The following PIAS2 variants were observed in gnomAD, a reference collection of about 807,000 sequenced individuals.
PIAS2 encodes the protein protein inhibitor of activated STAT 2, also known as E3 SUMO-protein ligase PIAS2.
A neutral mutation model predicts 69.7 loss-of-function variants in PIAS2; 19 were observed. The observed-to-expected ratio is 0.27, with a 90% CI of 0.19 to 0.40. PIAS2 has a LOEUF of 0.40. Ranked by LOEUF, PIAS2 falls within the 10% of genes least tolerant of loss-of-function variation. The probability of loss-of-function intolerance (pLI) is 1.00; values close to 1 mark genes in which losing one functional copy is unlikely to be tolerated. For synonymous variants in PIAS2, 261 were observed against 263.2 expected (o/e 0.99, Z 0.08); for missense variants, 624 against 757.0 (o/e 0.82, Z 2.06).
At chr18:46,858,441 A>C (rs1365950935) in intron 3 of PIAS2, among the ~76,000 whole-genome samples, 1 of 152,228 alleles carries the variant, frequency 6.6e-6, no homozygotes, top group African/African-American at 2.4e-5. Flanking sequence ...AGCTGGGCGC[A>C]GTGGCTCACG....
In PIAS2 at chr18:46,812,418, C is replaced by T; in HGVS notation, c.*15G>A. 6.5e-7 allele frequency: 1 copy of T among 1,550,288 alleles called. No individual in the cohort carries two copies. The highest frequency in any genetic ancestry group is 8.9e-7 in the Non-Finnish European group (1 of 1,129,254). On this transcript the variant is annotated 3_prime_UTR_variant, in exon 14 of 14. Transcript: ENST00000585916. Reference sequence around the variant, plus strand: ...AGTTCTGATGAATGATTCCCAGAATCAAGTGAGTCCTCCTTTAGTCCAATG... The same window carrying T: ...AGTTCTGATGAATGATTCCCAGAATTAAGTGAGTCCTCCTTTAGTCCAATG...
intron 3 of PIAS2, 91 bp from the exon 4 acceptor site, chr18:46,855,706 T>C (rs948950826): frequency 1.0e-6 from 1 of 983,616 alleles, no homozygotes; most frequent in Non-Finnish European, 1.6e-6. Context: ...AAAGCATTAT[T>C]TGTATTTTTC....
intron 2 of PIAS2, among the ~76,000 whole-genome samples, chr18:46,877,258 G>A (rs111947715): frequency 1.9e-4 from 29 of 152,242 alleles, no homozygotes; most frequent in Middle Eastern, 3.4e-3. Context: ...TGTTAAAAAC[G>A]TTTGAAGAGG....
At chr18:46,889,317 A>T (rs1177516918) in intron 2 of PIAS2, among the ~76,000 whole-genome samples, 1 of 152,238 alleles carries the variant, frequency 6.6e-6, no homozygotes, top group Non-Finnish European at 1.5e-5. Context: ...GAGTGGGAGA[A>T]AATATTTGCA....
chr18:46,846,143 A>G (rs1325642689), intron 6 of PIAS2, among the ~76,000 whole-genome samples: 1 of 152,200 alleles, frequency 6.6e-6, no homozygotes, highest in Non-Finnish European at 1.5e-5. Context: ...ATTAACTGGT[A>G]TCTCAAAATT....
At chr18:46,916,185 G>A (rs2057856427) in intron 1 of PIAS2, among the ~76,000 whole-genome samples, 1 of 152,170 alleles carries the variant, frequency 6.6e-6, no homozygotes, top group South Asian at 2.1e-4. Context: ...GTTTAGAGCA[G>A]AGGATACGTT....
At chr18:46,886,526 T>A (rs1050932327) in intron 2 of PIAS2, among the ~76,000 whole-genome samples, 5 of 151,962 alleles carry the variant, frequency 3.3e-5, no homozygotes, top group Non-Finnish European at 7.4e-5. Context: ...GACAACCGGG[T>A]AATAAGCATT....
chr18:46,918,822 C>CT (rs1300267574), upstream of PIAS2, among the ~76,000 whole-genome samples: 1 of 152,122 alleles, frequency 6.6e-6, no homozygotes, highest in Non-Finnish European at 1.5e-5. Context: ...TCAGGTTTCA[C>CT]TTTAAGTGTC....
At chr18:46,919,175 A>AC (rs1263161862), upstream of PIAS2, among the ~76,000 whole-genome samples, 5 of 151,236 alleles carry the variant, frequency 3.3e-5, no homozygotes, top group Admixed American at 3.3e-4. Context: ...ACATGGTGAA[A>AC]CCCTGTCTCT....
At chr18:46,900,423 A>G (rs1239032245) in intron 1 of PIAS2, among the ~76,000 whole-genome samples, 2 of 151,042 alleles carry the variant, frequency 1.3e-5, no homozygotes, top group African/African-American at 2.4e-5. Context: ...AATCCCAGCT[A>G]TTTGGGAGGC....
At chr18:46,917,241 G>C (rs2058073892) in intron 1 of PIAS2, 81 bp downstream of exon 1, 1 of 1,413,854 alleles carries the variant, frequency 7.1e-7, no homozygotes, top group East Asian at 3.3e-5. Context: ...GCACGAGCAG[G>C]CGGCGGCCGG....
rs538528642 is a variant in PIAS2 at position 46,881,821 on chromosome 18, G to A, written c.499+8759C>T. The stretch of plus-strand genomic sequence containing the variant: ...CCACAATTAAGAATACACAGACACC[G>A]GGCACGGTGGCTCACGCCTGTAATC... On this transcript the variant is annotated intron_variant, in intron 2 of 13. Coordinates refer to ENST00000585916, the MANE Select transcript of PIAS2 (RefSeq NM_004671.5). 1.2e-4 allele frequency among the ~76,000 whole-genome samples: 19 copies of A among 152,282 alleles called. No homozygotes were observed. In the South Asian group the frequency reaches 2.3e-3, roughly 18 times the overall value.
At chr18:46,910,816 T>C (rs1295609033) in intron 1 of PIAS2, among the ~76,000 whole-genome samples, 2 of 152,178 alleles carry the variant, frequency 1.3e-5, no homozygotes, top group Non-Finnish European at 2.9e-5. Context: ...GTTTTCAAAA[T>C]TCTGAGGAAT....
At position 46,858,606 on chromosome 18, in the gene PIAS2, A is replaced by AG. The variant is rs375367874; in HGVS notation, c.585-2992dup. 3.9e-5 allele frequency among the ~76,000 whole-genome samples: 6 copies of AG among 152,294 alleles called. 1 individual carries two copies. Among genetic ancestry groups the AG allele is most frequent in the African/African-American group, 1.4e-4 (6 of 41,562 alleles). ...CAGCTAGTCAGAAGGCTAAGGTGGG[A>AG]GGATCAATTGAGCCCGGACATTAAA... On this transcript the variant is annotated intron_variant, in intron 3 of 13. Transcript: ENST00000585916.
intron 9 of PIAS2, among the ~76,000 whole-genome samples, chr18:46,832,204 C>T (rs1296511655): frequency 6.6e-6 from 1 of 151,588 alleles, no homozygotes; most frequent in Non-Finnish European, 1.5e-5. Context: ...ATCACGAGGT[C>T]GGGAGTTCGA....
intron 8 of PIAS2, among the ~76,000 whole-genome samples, chr18:46,839,837 C>T (rs1274917388): frequency 8.7e-5 from 13 of 150,252 alleles, no homozygotes; most frequent in African/African-American, 3.0e-4. Flanking sequence ...TGCACTCCAG[C>T]CTGGGCGACA....
At chr18:46,861,369 AG>A (rs1344116534) in intron 3 of PIAS2, among the ~76,000 whole-genome samples, 4 of 152,254 alleles carry the variant, frequency 2.6e-5, no homozygotes, top group African/African-American at 9.6e-5. Flanking sequence ...TTTTTGCTAA[AG>A]TAACCACTAA....
At chr18:46,880,480 G>C (rs1301080976) in intron 2 of PIAS2, among the ~76,000 whole-genome samples, 1 of 152,188 alleles carries the variant, frequency 6.6e-6, no homozygotes, top group Admixed American at 6.5e-5. Flanking sequence ...TACTCAGGAG[G>C]CTGAGGCAGG....
intron 2 of PIAS2, among the ~76,000 whole-genome samples, chr18:46,883,469 G>A (rs898932412): frequency 5.3e-5 from 8 of 151,970 alleles, no homozygotes; most frequent in African/African-American, 7.3e-5. Context: ...TTGGGGGGCC[G>A]GGGCAGAAGG....
Sources: gnomAD v4.1 joint callset for allele counts (sites outside exome capture counted in the v4.1 genomes callset) on GRCh38, gnomAD v4.1.1 for gene constraint, MANE v1.5 for transcripts, NCBI Gene and HGNC (gene_info 2026-07-23, HGNC 2026-07-21) for gene names.